LAT2: variants seen among roughly 807,000 people sequenced by gnomAD.
LAT2 encodes linker for activation of T cells family member 2.
Under a neutral mutation model 43.4 loss-of-function variants are expected in LAT2, and 23 were observed. That is an observed-to-expected ratio of 0.53 (90% CI 0.38 to 0.75). The LOEUF (loss-of-function observed/expected upper bound fraction) is 0.75. LAT2 is among the 30% of genes least tolerant of loss of function. The probability of loss-of-function intolerance (pLI) is 0.00; values close to 1 mark genes in which losing one functional copy is unlikely to be tolerated. For synonymous variants in LAT2, 128 were observed against 123.2 expected, an observed-to-expected ratio of 1.04 and a Z score of -0.26; for missense variants, 284 against 310.2, an observed-to-expected ratio of 0.92 and a Z score of 0.64.
At chr7:74,212,173 G>A (rs1801756087) in intron 1 of LAT2, among the ~76,000 whole-genome samples, 1 of 151,966 alleles carries the variant, frequency 6.6e-6, no homozygotes, top group African/African-American at 2.4e-5. Flanking sequence ...TCGAACTCCT[G>A]GCCTCAAGCG....
intron 1 of LAT2, 100 bp from the exon 2 acceptor site, chr7:74,214,694 TATATAAATATATATAAATATATATAAAA>T (rs1449079622): frequency 1.2e-3 from 93 of 80,152 alleles, no homozygotes; most frequent in African/African-American, 5.4e-3. Context: ...GAAAATAATA[TATATAAATATATATAAATATATATAAAA>T]ATATAAATAT....
intron 4 of LAT2, among the ~76,000 whole-genome samples, chr7:74,218,800 G>A (rs1554714568): frequency 2.6e-5 from 4 of 152,108 alleles, no homozygotes; most frequent in Admixed American, 6.6e-5. Flanking sequence ...GGCTTCAAGC[G>A]ATTCTCCTGT....
intron 10 of LAT2, 84 bp downstream of exon 10, chr7:74,221,776 C>G: frequency 1.7e-6 from 2 of 1,194,112 alleles, no homozygotes; most frequent in Non-Finnish European, 2.4e-6. Flanking sequence ...GGAGAGGAGG[C>G]TGGGCCTGGG....
chr7:74,216,624 G>A (rs1802057138), intron 3 of LAT2, among the ~76,000 whole-genome samples: 1 of 152,048 alleles, frequency 6.6e-6, no homozygotes, highest in African/African-American at 2.4e-5. Flanking sequence ...CTCCCGCCTC[G>A]GCCCAAAGTG....
At chr7:74,212,979 G>T (rs183349007) in intron 1 of LAT2, among the ~76,000 whole-genome samples, 4 of 152,260 alleles carry the variant, frequency 2.6e-5, no homozygotes, top group Non-Finnish European at 5.9e-5. Flanking sequence ...TCATCTTACC[G>T]CAGGGATTTG....
chr7:74,227,632 C>T (rs529012416), intron 13 of LAT2, among the ~76,000 whole-genome samples: 2 of 152,312 alleles, frequency 1.3e-5, no homozygotes, highest in Non-Finnish European at 2.9e-5. Context: ...AGGAAGGACC[C>T]AGGCACTGGT....
intron 1 of LAT2, among the ~76,000 whole-genome samples, chr7:74,210,905 C>T (rs1554713037): frequency 6.6e-6 from 1 of 152,178 alleles, no homozygotes; most frequent in Non-Finnish European, 1.5e-5. Flanking sequence ...CTCCCCAACC[C>T]CAGTGTCCCC....
chr7:74,219,647 T>C, intron 4 of LAT2, 97 bp from the exon 5 acceptor site: 1 of 1,472,174 alleles, frequency 6.8e-7, no homozygotes, highest in Non-Finnish European at 9.5e-7. Flanking sequence ...GTCCCTCTGC[T>C]TTCCCTCCTC....
At chr7:74,217,675 A>G (rs2116133429) in intron 4 of LAT2, among the ~76,000 whole-genome samples, 2 of 152,274 alleles carry the variant, frequency 1.3e-5, no homozygotes, top group South Asian at 4.1e-4. Flanking sequence ...AGAAAGACCC[A>G]GGGAAGGGCA....
At position 74,220,348 on chromosome 7, in the gene LAT2, C is replaced by T; in HGVS notation, c.265+94C>T. ...TGGGACAGGCGTCGTGCAGTGGGGG[C>T]TGCGGGGCCAGGCGAGGCCTCCCCA... is the stretch of plus-strand genomic sequence containing the variant. On this transcript the variant is annotated intron_variant, in intron 7 of 13. Coordinates refer to ENST00000460943, the MANE Select transcript of LAT2 (RefSeq NM_032464.3). This position sits in a 1 kb window ranked among gnomAD's most constrained non-coding sequence, Gnocchi z 4.5. 1 of 1,436,158 alleles carries T rather than the reference C, an allele frequency of 7.0e-7. No individual in the cohort carries two copies. The highest frequency in any genetic ancestry group is 9.6e-7 in the Non-Finnish European group (1 of 1,039,594). 89.0% of individuals were successfully genotyped at this position (1,436,158 alleles called of 1,614,324 possible). A position where few individuals can be genotyped will look rare whatever the true frequency, so the allele number is the denominator to read the frequency against.
chr7:74,216,380 TC>T (rs1224618816), intron 3 of LAT2, among the ~76,000 whole-genome samples: 9 of 152,042 alleles, frequency 5.9e-5, no homozygotes, highest in African/African-American at 2.2e-4. Flanking sequence ...TACCCTTTTT[TC>T]TTTTTTTTGG....
Position 74,223,605 on chromosome 7 carries a change from AGGGCT to A in LAT2, c.389-118_389-114del, listed in dbSNP as rs1802371833. On this transcript the variant is annotated intron_variant, in intron 10 of 13. Transcript: ENST00000460943. ...AGGCTTGAGGTCCCGGGGGACCCAG[AGGGCT>A]AGGGCTTGGCGGAAGAGGTCCCCTG... The A allele has an allele frequency of 3.3e-6, 3 of 915,530 alleles. No homozygotes were observed. In the African/African-American group the frequency reaches 5.0e-5, roughly 15 times the overall value. 56.7% of individuals were successfully genotyped at this position (915,530 alleles called of 1,614,324 possible). A position where few individuals can be genotyped will look rare whatever the true frequency, so the allele number is the denominator to read the frequency against.
At chr7:74,224,553 G>A (rs1219112020) in intron 12 of LAT2, 86 bp from the exon 13 acceptor site, 1 of 1,187,378 alleles carries the variant, frequency 8.4e-7, no homozygotes, top group Non-Finnish European at 1.2e-6. Context: ...GCTGTTTTGT[G>A]GAGTCTGGGG....
chr7:74,222,011 A>G (rs1432711242), intron 10 of LAT2, among the ~76,000 whole-genome samples: 1 of 151,994 alleles, frequency 6.6e-6, no homozygotes, highest in Non-Finnish European at 1.5e-5. Context: ...TCCTGACCCC[A>G]GAAGGTACCT....
At chr7:74,222,179 A>T (rs1554715413) in intron 10 of LAT2, among the ~76,000 whole-genome samples, 1 of 147,214 alleles carries the variant, frequency 6.8e-6, no homozygotes, top group Non-Finnish European at 1.5e-5. Context: ...TGAGGTCAGG[A>T]GTTCAAGACC....
intron 13 of LAT2, among the ~76,000 whole-genome samples, chr7:74,227,683 G>A (rs1802540752): frequency 6.6e-6 from 1 of 152,190 alleles, no homozygotes; most frequent in African/African-American, 2.4e-5. Flanking sequence ...GACAGGGGTA[G>A]GCAACATGGT....
Position 74,223,001 on chromosome 7 carries a change from T to G in LAT2, c.389-723T>G, listed in dbSNP as rs1215130283. ...AGGCGCTGAGGTGCCATACTCAGCC[T>G]GGGTCCCCGAGCAAAGCATCCTCAG... On this transcript the variant is annotated intron_variant, in intron 10 of 13. Transcript: ENST00000460943. Among the ~76,000 whole-genome samples the G allele has an allele frequency of 7.2e-5, 11 of 152,328 alleles. No individual in the cohort carries two copies. The East Asian group carries it at 2.1e-3, about 29-fold the overall frequency.
chr7:74,217,186 C>T (rs1802076827), intron 4 of LAT2, among the ~76,000 whole-genome samples: 1 of 152,174 alleles, frequency 6.6e-6, no homozygotes. Flanking sequence ...AATCCCAGCA[C>T]TTTGGGAGGC....
At position 74,221,588 on chromosome 7, in the gene LAT2, G is replaced by A. The variant is rs782710974; in HGVS notation, c.333-49G>A. ...CGCCCCCTTATGGAGCCCCCAACCC[G>A]ATCTCCAGCCTGCCCTGAAACCTGT... On this transcript the variant is annotated intron_variant, in intron 9 of 13. Transcript: ENST00000460943. 12 of 1,541,368 alleles carry A rather than the reference G, an allele frequency of 7.8e-6. No individual in the cohort carries two copies. The Middle Eastern group carries it at 5.1e-4, about 66-fold the overall frequency.
Sources: allele counts gnomAD v4.1 joint callset (sites outside exome capture counted in the v4.1 genomes callset), GRCh38; gene constraint gnomAD v4.1.1; non-coding constraint Gnocchi (gnomAD v3.1); transcripts MANE v1.5; gene names NCBI Gene and HGNC (gene_info 2026-07-23, HGNC 2026-07-21).